BICD1: variants seen among roughly 807,000 people sequenced by gnomAD.
The protein encoded by BICD1 is protein bicaudal D homolog 1.
A neutral mutation model predicts 92.5 loss-of-function variants in BICD1; 35 were observed. The ratio of observed to expected loss-of-function variants is 0.38; its 90% CI spans 0.29 to 0.50. The LOEUF is 0.50. Ranked by LOEUF, BICD1 falls within the 20% of genes least tolerant of loss-of-function variation. The pLI, the probability that BICD1 is intolerant of heterozygous loss-of-function variation, is 0.93. For synonymous variants in BICD1, 429 were observed against 465.1 expected (o/e 0.92, Z 1.00); for missense variants, 950 against 1,189.8 (o/e 0.80, Z 2.97).
chr12:32,144,051 TG>T (rs1943032770), intron 1 of BICD1, among the ~76,000 whole-genome samples: 1 of 152,230 alleles, frequency 6.6e-6, no homozygotes, highest in Non-Finnish European at 1.5e-5. Flanking sequence ...TTGTATGTGT[TG>T]CAAATATCTT....
At chr12:32,293,741 T>C (rs1947785574) in intron 2 of BICD1, among the ~76,000 whole-genome samples, 1 of 152,208 alleles carries the variant, frequency 6.6e-6, no homozygotes, top group Non-Finnish European at 1.5e-5. Context: ...TAAGTATACA[T>C]GGATTTGTTT....
intron 1 of BICD1, among the ~76,000 whole-genome samples, chr12:32,159,322 G>T (rs1430517816): frequency 6.6e-6 from 1 of 152,174 alleles, no homozygotes; most frequent in Non-Finnish European, 1.5e-5. Flanking sequence ...GAGAGTAGGG[G>T]ACACAGAATC....
intron 2 of BICD1, among the ~76,000 whole-genome samples, chr12:32,253,499 T>C (rs990962914): frequency 2.0e-5 from 3 of 152,166 alleles, no homozygotes; most frequent in Non-Finnish European, 4.4e-5. Context: ...TCTTTTTTTT[T>C]TTATTTTTAT....
intron 2 of BICD1, among the ~76,000 whole-genome samples, chr12:32,278,780 C>T (rs1210466811): frequency 1.3e-5 from 2 of 152,130 alleles, no homozygotes; most frequent in African/African-American, 4.8e-5. Context: ...GGCATGAACC[C>T]GGAGGGCGGA....
intron 1 of BICD1, among the ~76,000 whole-genome samples, chr12:32,142,456 A>ATCTATCTAT (rs1182500828): frequency 1.8e-5 from 1 of 55,652 alleles, no homozygotes; most frequent in Non-Finnish European, 4.0e-5. Flanking sequence ...TATCTATCCT[A>ATCTATCTAT]TCTATCTATC....
intron 1 of BICD1, among the ~76,000 whole-genome samples, chr12:32,164,132 T>C (rs1293778022): frequency 6.6e-6 from 1 of 152,172 alleles, no homozygotes; most frequent in Non-Finnish European, 1.5e-5. Context: ...ATGGCGAATG[T>C]CACAGCTATA....
chr12:32,203,271 T>C (rs1271953036), intron 1 of BICD1, among the ~76,000 whole-genome samples: 1 of 152,208 alleles, frequency 6.6e-6, no homozygotes, highest in African/African-American at 2.4e-5. Flanking sequence ...AATAGCTTTA[T>C]GACCTTGGAG....
chr12:32,252,377 G>A (rs189663685), intron 2 of BICD1, among the ~76,000 whole-genome samples: 5 of 151,686 alleles, frequency 3.3e-5, no homozygotes, highest in Admixed American at 1.3e-4. Context: ...AATACCATCT[G>A]ATGTTCAAGC....
chr12:32,340,064 C>A, intron 8 of BICD1: 1 of 978,336 alleles, frequency 1.0e-6, no homozygotes, highest in Non-Finnish European at 1.2e-6. Context: ...CTCCTGTAGT[C>A]TTTGAGTTTG....
chr12:32,195,816 G>A (rs1435382232), intron 1 of BICD1, among the ~76,000 whole-genome samples: 1 of 151,986 alleles, frequency 6.6e-6, no homozygotes, highest in African/African-American at 2.4e-5. Flanking sequence ...CACAACAAAG[G>A]AAACAATCAA....
At chr12:32,137,958 T>A (rs765971973) in intron 1 of BICD1, among the ~76,000 whole-genome samples, 1 of 152,048 alleles carries the variant, frequency 6.6e-6, no homozygotes, top group Admixed American at 6.6e-5. Context: ...TCACCATGCC[T>A]GGTTAATTTT....
intron 8 of BICD1, among the ~76,000 whole-genome samples, chr12:32,342,313 G>A (rs1319413050): frequency 1.2e-4 from 18 of 148,116 alleles, no homozygotes; most frequent in African/African-American, 3.7e-4. Flanking sequence ...GGAGTGGAGC[G>A]GCGCAACCTT....
chr12:32,259,108 C>T (rs1272171224), intron 2 of BICD1, among the ~76,000 whole-genome samples: 1 of 152,130 alleles, frequency 6.6e-6, no homozygotes, highest in African/African-American at 2.4e-5. Context: ...GAGGGCTCAC[C>T]TCTTGCCTTC....
chr12:32,327,152 G>A (rs1044395025), intron 4 of BICD1, among the ~76,000 whole-genome samples: 1 of 152,128 alleles, frequency 6.6e-6, no homozygotes, highest in Non-Finnish European at 1.5e-5. Context: ...AAGTCATGTT[G>A]TTTTCTGCAA....
chr12:32,158,922 T>C (rs1943520616), intron 1 of BICD1, among the ~76,000 whole-genome samples: 1 of 152,134 alleles, frequency 6.6e-6, no homozygotes. Flanking sequence ...ACTTGTATGG[T>C]TATTTGTACG....
At position 32,107,346 on chromosome 12, in the gene BICD1, G is replaced by T. The variant is rs770500759; in HGVS notation, c.15G>T (p.Glu5Asp). 6 of 1,605,426 alleles carry T rather than the reference G, an allele frequency of 3.7e-6. No homozygotes were observed. The East Asian group carries it at 1.3e-4, about 36-fold the overall frequency. The change falls in exon 1 of 10, where the codon GAG (glutamate) becomes GAT (aspartate). Residue 5 changes from glutamate (E) to aspartate (D), a missense_variant. Physicochemically the swap from Glu to Asp is conservative, Grantham distance 45. This residue lies in a region of BICD1 where 202 missense variants were observed against 205.3 expected (regional missense o/e 0.98). Transcript: ENST00000652176. MAAE[E>D]VLQTVDHYKT... ...CCACCGGGGCTATGGCCGCAGAAGA[G>T]GTATTGCAGACGGTGGACCATTATA...
At chr12:32,243,161 G>T (rs903520213) in intron 2 of BICD1, among the ~76,000 whole-genome samples, 2 of 151,010 alleles carry the variant, frequency 1.3e-5, no homozygotes, top group Non-Finnish European at 2.9e-5. Flanking sequence ...GCAGTGGTAC[G>T]ATCTTGGCTC....
At chr12:32,282,092 GT>G (rs2136170383) in intron 2 of BICD1, among the ~76,000 whole-genome samples, 1 of 151,730 alleles carries the variant, frequency 6.6e-6, no homozygotes, top group African/African-American at 2.4e-5. Flanking sequence ...GGAGATGACA[GT>G]TAGGTTGAGG....
intron 2 of BICD1, among the ~76,000 whole-genome samples, chr12:32,235,386 G>C (rs375844393): frequency 6.6e-6 from 1 of 152,128 alleles, no homozygotes; most frequent in Admixed American, 6.6e-5. Context: ...CTTTGAATTA[G>C]TCTTTTGTTG....
Sources: allele counts gnomAD v4.1 joint callset (sites outside exome capture counted in the v4.1 genomes callset), GRCh38; gene constraint gnomAD v4.1.1; regional missense constraint gnomAD v4.1.1; transcripts MANE v1.5; gene names NCBI Gene and HGNC (gene_info 2026-07-23, HGNC 2026-07-21).